The following ALK variants were observed in gnomAD, a reference collection of about 807,000 sequenced individuals.
ALK encodes ALK receptor tyrosine kinase, also known as ALK tyrosine kinase receptor.
ALK carries 74 observed loss-of-function variants against 163.1 expected under a neutral mutation model. The observed-to-expected ratio is 0.45, with a 90% CI of 0.38 to 0.55. The LOEUF (loss-of-function observed/expected upper bound fraction) is 0.55. Ranked by LOEUF, ALK falls within the 20% of genes least tolerant of loss-of-function variation. ALK has a pLI of 0.00. For missense variants in ALK, 2,063 were observed against 2,105.3 expected, an observed-to-expected ratio of 0.98 and a Z score of 0.39; for synonymous variants, 960 against 843.2, an observed-to-expected ratio of 1.14 and a Z score of -2.40.
chr2:29,196,230 C>T (rs570583448), intron 28 of ALK, among the ~76,000 whole-genome samples: 5 of 152,198 alleles, frequency 3.3e-5, no homozygotes, highest in South Asian at 4.1e-4. Context: ...AAGGATAAAA[C>T]GAAATACGCA....
chr2:29,221,185 C>T (rs1241171034), intron 22 of ALK: 4 of 545,758 alleles, frequency 7.3e-6, no homozygotes, highest in Non-Finnish European at 3.7e-6. Context: ...GTCGATTTCT[C>T]CCAGGAAGGC....
chr2:29,749,959 T>TA (rs774013415), intron 1 of ALK, among the ~76,000 whole-genome samples: 1 of 152,178 alleles, frequency 6.6e-6, no homozygotes, highest in Non-Finnish European at 1.5e-5. Flanking sequence ...TTCATGTCAT[T>TA]ATCTCAAGAG....
chr2:29,481,496 T>C (rs1000488373), intron 4 of ALK, among the ~76,000 whole-genome samples: 8 of 152,214 alleles, frequency 5.3e-5, no homozygotes, highest in African/African-American at 1.7e-4. Context: ...ACACATTGCA[T>C]AGATAAGGCC....
intron 3 of ALK, among the ~76,000 whole-genome samples, chr2:29,547,631 T>C (rs1673591139): frequency 6.6e-6 from 1 of 152,140 alleles, no homozygotes; most frequent in South Asian, 2.1e-4. Flanking sequence ...TAATATGATC[T>C]ATAAGAAAGG....
chr2:29,771,728 G>T (rs1681032727), intron 1 of ALK, among the ~76,000 whole-genome samples: 1 of 152,020 alleles, frequency 6.6e-6, no homozygotes, highest in South Asian at 2.1e-4. Context: ...TAGAGACGGG[G>T]TTTCACCGTG....
chr2:29,581,371 G>C (rs1388681408), intron 3 of ALK, among the ~76,000 whole-genome samples: 1 of 152,082 alleles, frequency 6.6e-6, no homozygotes, highest in Non-Finnish European at 1.5e-5. Flanking sequence ...CTGGGCGACA[G>C]AGTGAGGATC....
chr2:29,539,877 G>T (rs967733922), intron 3 of ALK, among the ~76,000 whole-genome samples: 1 of 152,162 alleles, frequency 6.6e-6, no homozygotes, highest in Non-Finnish European at 1.5e-5. Context: ...GTAAAGTATA[G>T]TTTTGTGAGC....
intron 3 of ALK, among the ~76,000 whole-genome samples, chr2:29,605,345 C>T (rs76302241): frequency 1.3e-5 from 2 of 152,276 alleles, no homozygotes; most frequent in African/African-American, 4.8e-5. Context: ...CTAACAGGAA[C>T]CAGTATCGGT....
intron 1 of ALK, among the ~76,000 whole-genome samples, chr2:29,770,370 G>C (rs984615233): frequency 6.6e-6 from 1 of 152,184 alleles, no homozygotes; most frequent in Non-Finnish European, 1.5e-5. Context: ...AAGTCGTCCA[G>C]TCACACCCTA....
At position 29,831,223 on chromosome 2, in the gene ALK, GGAAGAAGAAGAGGAAGAA is replaced by G. The variant is rs1249348005; in HGVS notation, c.667+88752_667+88769del. 4.4e-3 allele frequency among the ~76,000 whole-genome samples: 171 copies of G among 39,022 alleles called. 16 individuals carry two copies. Among genetic ancestry groups the G allele is most frequent in the African/African-American group, 0.012 (150 of 12,310 alleles). 25.6% of individuals were successfully genotyped at this position (39,022 alleles called of 152,430 possible). A position where few individuals can be genotyped will look rare whatever the true frequency, so the allele number is the denominator to read the frequency against. ...GGGAAGGGGAAGAGGAAGAGGAAGA[GGAAGAAGAAGAGGAAGAA>G]GAAGAGGAAGAGGAAGAGGAAGAAG... On this transcript the variant is annotated intron_variant, in intron 1 of 28. Coordinates refer to ENST00000389048, the MANE Select transcript of ALK (RefSeq NM_004304.5).
intron 1 of ALK, among the ~76,000 whole-genome samples, chr2:29,785,444 CT>C (rs143503782): frequency 0.066 from 9,998 of 152,148 alleles, 827 homozygotes; most frequent in African/African-American, 0.19. Context: ...TTGCTGAAGT[CT>C]TTTTCATTTT....
intron 3 of ALK, among the ~76,000 whole-genome samples, chr2:29,688,134 G>T (rs1473627165): frequency 1.3e-5 from 2 of 152,162 alleles, no homozygotes; most frequent in African/African-American, 2.4e-5. Flanking sequence ...GAGGATAAAG[G>T]TCTTTGAAAC....
chr2:29,595,880 A>C (rs2148210643), intron 3 of ALK, among the ~76,000 whole-genome samples: 1 of 152,360 alleles, frequency 6.6e-6, no homozygotes, highest in East Asian at 1.9e-4. Context: ...ACTGAAGGGA[A>C]AAAGCAGAAG....
At chr2:29,520,987 C>A (rs950701923) in intron 4 of ALK, among the ~76,000 whole-genome samples, 1 of 152,180 alleles carries the variant, frequency 6.6e-6, no homozygotes, top group Non-Finnish European at 1.5e-5. Flanking sequence ...CTGAGATGAT[C>A]ATTCTAGGAC....
At chr2:29,299,750 T>C (rs372355256) in intron 8 of ALK, among the ~76,000 whole-genome samples, 29 of 152,324 alleles carry the variant, frequency 1.9e-4, no homozygotes, top group African/African-American at 6.7e-4. Context: ...CACTCATACT[T>C]TGCATATTAC....
chr2:29,360,368 GC>G (rs1398901265), intron 5 of ALK, among the ~76,000 whole-genome samples: 1 of 152,116 alleles, frequency 6.6e-6, no homozygotes, highest in African/African-American at 2.4e-5. Context: ...CTGCTGTCCT[GC>G]CCTTGGTCAG....
chr2:29,418,477 C>G (rs1669936109), intron 4 of ALK, among the ~76,000 whole-genome samples: 1 of 152,144 alleles, frequency 6.6e-6, no homozygotes, highest in Admixed American at 6.6e-5. Flanking sequence ...GGTACCAGTG[C>G]AGATTTCTTA....
At chr2:29,627,978 C>A (rs971022844) in intron 3 of ALK, among the ~76,000 whole-genome samples, 1 of 152,198 alleles carries the variant, frequency 6.6e-6, no homozygotes, top group Non-Finnish European at 1.5e-5. Flanking sequence ...TGGGAAATAA[C>A]ATTAATTCTC....
chr2:29,389,266 G>A (rs1012660835), intron 4 of ALK, among the ~76,000 whole-genome samples: 1 of 152,186 alleles, frequency 6.6e-6, no homozygotes, highest in African/African-American at 2.4e-5. Flanking sequence ...GAGAGGTGTA[G>A]GCACCATATG....
Sources: gnomAD v4.1 joint callset for allele counts (sites outside exome capture counted in the v4.1 genomes callset) on GRCh38, gnomAD v4.1.1 for gene constraint, MANE v1.5 for transcripts, NCBI Gene and HGNC (gene_info 2026-07-23, HGNC 2026-07-21) for gene names.